The following TMC2 variants were observed in gnomAD, a reference collection of about 807,000 sequenced individuals.
TMC2 encodes transmembrane channel-like protein 2.
Under a neutral mutation model 105.9 loss-of-function variants are expected in TMC2, and 102 were observed. That is an observed-to-expected ratio of 0.96 (90% CI 0.82 to 1.14). The LOEUF is 1.14. Among genes scored for constraint, TMC2 ranks in the 50% most tolerant of loss-of-function variants. The pLI, the probability that TMC2 is intolerant of heterozygous loss-of-function variation, is 0.00. For synonymous variants in TMC2, 402 were observed against 422.8 expected, an observed-to-expected ratio of 0.95 and a Z score of 0.60; for missense variants, 1,093 against 1,134.3, an observed-to-expected ratio of 0.96 and a Z score of 0.52.
chr20:2,548,579 A>G (rs954514664), intron 2 of TMC2, among the ~76,000 whole-genome samples: 2 of 151,742 alleles, frequency 1.3e-5, no homozygotes, highest in Non-Finnish European at 2.9e-5. Flanking sequence ...CGGAGGTTGC[A>G]GTGAGCCAAG....
chr20:2,607,990 G>A lies in TMC2; in HGVS notation c.1414-2429G>A, dbSNP rs557040185. ...ATACAAAAAATTAGCTGGGCATGGT[G>A]GCGCATGCCTGTAGTCCCAGCTACT... On this transcript the variant is annotated intron_variant, in intron 11 of 19. Coordinates refer to ENST00000358864, the MANE Select transcript of TMC2 (RefSeq NM_080751.3). Among the ~76,000 whole-genome samples, 1,164 of 152,098 alleles carry A rather than the reference G, an allele frequency of 7.7e-3. 10 individuals carry two copies. The highest frequency in any genetic ancestry group is 0.017 in the South Asian group (83 of 4,820).
chr20:2,622,110 C>T (rs1344583313), intron 16 of TMC2, among the ~76,000 whole-genome samples: 1 of 152,118 alleles, frequency 6.6e-6, no homozygotes, highest in African/African-American at 2.4e-5. Context: ...GCTATAACTG[C>T]GTCATTGCAA....
chr20:2,575,760 G>A (rs903629329), intron 5 of TMC2, among the ~76,000 whole-genome samples: 1 of 115,922 alleles, frequency 8.6e-6, no homozygotes, highest in African/African-American at 3.4e-5. Flanking sequence ...TTAGCTCTTT[G>A]CTTCTTTCTC....
At chr20:2,623,348 G>A (rs2086539324) in intron 16 of TMC2, among the ~76,000 whole-genome samples, 1 of 151,950 alleles carries the variant, frequency 6.6e-6, no homozygotes, top group South Asian at 2.1e-4. Context: ...GAGCAGCCTG[G>A]CCAACATGGT....
chr20:2,574,467 C>T (rs73585303), intron 5 of TMC2, among the ~76,000 whole-genome samples: 18,128 of 152,124 alleles, frequency 0.12, 1,327 homozygotes, highest in African/African-American at 0.2. Context: ...TGATAATACA[C>T]TTTTTGTTAA....
chr20:2,594,937 T>A lies in TMC2; in HGVS notation c.1046T>A (p.Phe349Tyr), dbSNP rs774279791. 1 of 1,614,076 alleles carries A rather than the reference T, an allele frequency of 6.2e-7. No individual in the cohort carries two copies. The highest frequency in any genetic ancestry group is 1.7e-5 in the Admixed American group (1 of 60,006). ...TACTTTATGGTGGGGGTCAGCGTGTTCGGCTACAGCCTGATTATTGTCATT... is the reference window on the plus strand; with the variant it reads ...TACTTTATGGTGGGGGTCAGCGTGTACGGCTACAGCCTGATTATTGTCATT... ...MAYFMVGVSV[F>Y]GYSLIIVIRS... Residue 349 changes from phenylalanine (F) to tyrosine (Y), a missense_variant, in exon 9 of 20, where the codon TTC becomes TAC. Physicochemically the swap from Phe to Tyr is conservative, Grantham distance 22. Coordinates refer to ENST00000358864, the MANE Select transcript of TMC2 (RefSeq NM_080751.3).
intron 8 of TMC2, among the ~76,000 whole-genome samples, chr20:2,594,225 C>CTTTTT (rs565664102): frequency 1.3e-4 from 15 of 113,758 alleles, no homozygotes; most frequent in East Asian, 5.2e-4. Flanking sequence ...CTAAGGATTC[C>CTTTTT]TTTTTTTTTT....
intron 2 of TMC2, among the ~76,000 whole-genome samples, chr20:2,542,940 T>TA (rs11480431): frequency 1 from 152,072 of 152,082 alleles, 76,031 homozygotes; most frequent in Middle Eastern, 1. Context: ...TTTTTCTTTT[T>TA]AAAACAAAAT....
Position 2,558,396 on chromosome 20 carries a change from G to A in TMC2, c.83-60G>A, listed in dbSNP as rs946763268. On this transcript the variant is annotated intron_variant, in intron 2 of 19. Coordinates refer to ENST00000358864, the MANE Select transcript of TMC2 (RefSeq NM_080751.3). The surrounding 1 kb of genome is among the most constrained non-coding windows in gnomAD (Gnocchi z 4.6). ...GGACGTCTGATTTCTCACGGCCGGG[G>A]ACATTTTCCTGGGCCTGAGGCCGTT... The A allele has an allele frequency of 5.2e-6, 8 of 1,544,608 alleles. No homozygotes were observed. Among genetic ancestry groups the A allele is most frequent in the South Asian group, 1.2e-5 (1 of 83,436 alleles).
intron 7 of TMC2, among the ~76,000 whole-genome samples, chr20:2,587,910 C>G (rs1280497236): frequency 6.6e-6 from 1 of 152,032 alleles, no homozygotes; most frequent in Non-Finnish European, 1.5e-5. Flanking sequence ...CTCCCCAATT[C>G]CCTAAGTGAA....
At chr20:2,572,510 A>G (rs2086111492) in intron 5 of TMC2, among the ~76,000 whole-genome samples, 1 of 152,182 alleles carries the variant, frequency 6.6e-6, no homozygotes, top group South Asian at 2.1e-4. Context: ...TCTCCAGTGA[A>G]TACACTTAGA....
At chr20:2,539,291 G>A (rs2085872797) in intron 2 of TMC2, among the ~76,000 whole-genome samples, 1 of 152,184 alleles carries the variant, frequency 6.6e-6, no homozygotes, top group Non-Finnish European at 1.5e-5. Flanking sequence ...GTGTTGAAGA[G>A]GTCTGGGGAA....
intron 7 of TMC2, among the ~76,000 whole-genome samples, chr20:2,588,239 C>T (rs1213567316): frequency 6.6e-6 from 1 of 152,176 alleles, no homozygotes; most frequent in Non-Finnish European, 1.5e-5. Flanking sequence ...CCTTGAGAGG[C>T]TGAGTGTGGC....
chr20:2,570,111 T>G (rs898829408), intron 4 of TMC2, among the ~76,000 whole-genome samples: 1 of 152,030 alleles, frequency 6.6e-6, no homozygotes. Context: ...CTATTCAACA[T>G]AGTACTGGAA....
intron 17 of TMC2, among the ~76,000 whole-genome samples, chr20:2,631,069 C>CTAAAATAAAATTTTAGTTAGAGAAT (rs2086599439): frequency 1.3e-5 from 2 of 152,020 alleles, no homozygotes; most frequent in Non-Finnish European, 2.9e-5. Flanking sequence ...TTAGTTCCCA[C>CTAAAATAAAATTTTAGTTAGAGAAT]GTCATTTCTC....
rs1383965105 is a variant in TMC2, at chr20:2,592,226, G to A, written c.835-84G>A. The A allele has an allele frequency of 3.7e-6, 3 of 814,830 alleles. No individual in the cohort carries two copies. The highest frequency in any genetic ancestry group is 6.2e-6 in the Non-Finnish European group (3 of 480,114). The allele number at this position is 814,830 out of a possible 1,614,324, so 50.5% of individuals were successfully genotyped here. A position where few individuals can be genotyped will look rare whatever the true frequency, so the allele number is the denominator to read the frequency against. ...AATAGGTGTATTCCGCTCTGAGAAG[G>A]AAAGCATTTACCCCAGTATATGAAT... On this transcript the variant is annotated intron_variant, in intron 7 of 19. Coordinates refer to ENST00000358864, the MANE Select transcript of TMC2 (RefSeq NM_080751.3). This position sits in a 1 kb window ranked among gnomAD's most constrained non-coding sequence, Gnocchi z 4.9.
At chr20:2,544,729 A>G (rs1267425210) in intron 2 of TMC2, among the ~76,000 whole-genome samples, 3 of 152,184 alleles carry the variant, frequency 2.0e-5, no homozygotes, top group Admixed American at 6.5e-5. Context: ...CAACCACAGC[A>G]TGCTACATTT....
chr20:2,550,114 C>A (rs892753307), intron 2 of TMC2, among the ~76,000 whole-genome samples: 1 of 150,380 alleles, frequency 6.6e-6, no homozygotes, highest in Non-Finnish European at 1.5e-5. Flanking sequence ...ACCCTGGAAG[C>A]GGAGGATGCA....
chr20:2,618,829 C>G (rs1256017439), intron 16 of TMC2, among the ~76,000 whole-genome samples: 1 of 152,234 alleles, frequency 6.6e-6, no homozygotes, highest in Non-Finnish European at 1.5e-5. Context: ...TCAATGCACA[C>G]TCCTTTGTTA....
Sources: gnomAD v4.1 joint callset for allele counts (sites outside exome capture counted in the v4.1 genomes callset) on GRCh38, gnomAD v4.1.1 for gene constraint, Gnocchi (gnomAD v3.1) non-coding constraint, MANE v1.5 for transcripts, NCBI Gene and HGNC (gene_info 2026-07-23, HGNC 2026-07-21) for gene names.